Variants in TEX13C observed in about 807,000 individuals in gnomAD.
The protein encoded by TEX13C is TEX13 family member C, also known as testis-expressed protein 13C.
For missense variants in TEX13C, 480 were observed against 298.7 expected (o/e 1.61, Z -4.47); for synonymous variants, 219 against 116.6 (o/e 1.88, Z -5.65).
Position 125,323,005 on chromosome X carries a change from A to G in TEX13C, c.2886A>G (p.Pro962=), listed in dbSNP as rs752925295. ...CCAGCCCAGTGAATTGGGCCTGCCC[A>G]TGGTGTAATGCCATGAATTTTCCAC... The change falls in exon 1 of 1, where the codon CCA becomes CCG. Residue 962 remains proline (P), a synonymous_variant. Coordinates refer to ENST00000632600, the Ensembl canonical transcript of TEX13C. The G allele has an allele frequency of 2.9e-5, 15 of 514,098 alleles. No homozygotes were observed. The African/African-American group carries it at 3.0e-4, about 10-fold the overall frequency. 42.4% of individuals were successfully genotyped at this position (514,098 alleles called of 1,213,427 possible). A position where few individuals can be genotyped will look rare whatever the true frequency, so the allele number is the denominator to read the frequency against.
chrX:125,324,634 A>G (rs910055449), exon 1 of TEX13C: 2 of 111,931 alleles, frequency 1.8e-5, no homozygotes, highest in African/African-American at 6.5e-5. Flanking sequence ...GCAGTGACAA[A>G]GTTTGGGAAA....
At chrX:125,320,718 T>C in exon 1 of TEX13C, 1 of 515,287 alleles carries the variant, frequency 1.9e-6, no homozygotes, top group South Asian at 2.5e-5. Flanking sequence ...GAAGCCCAGG[T>C]AGCAGCCCCA....
At chrX:125,320,337 C>T (rs1004593050) in exon 1 of TEX13C, 12 of 515,172 alleles carry the variant, frequency 2.3e-5, no homozygotes, top group African/African-American at 6.8e-5. Context: ...AGCGCTTTGG[C>T]GCTGAGTGTG....
chrX:125,320,091 G>A (rs2018819779), upstream of TEX13C: 6 of 459,951 alleles, frequency 1.3e-5, no homozygotes, highest in Non-Finnish European at 1.9e-5. Flanking sequence ...CGCACCGTGA[G>A]GCAGCTGCTT....
exon 1 of TEX13C, chrX:125,320,465 C>T: frequency 1.9e-6 from 1 of 515,904 alleles, no homozygotes; most frequent in Non-Finnish European, 3.5e-6. Context: ...GCAGCTGCGC[C>T]TGGAGCATGA....
At chrX:125,320,163 A>G (rs1463414184) in exon 1 of TEX13C, 3 of 503,057 alleles carry the variant, frequency 6.0e-6, no homozygotes, top group African/African-American at 2.3e-5. Context: ...TTCCGCCATG[A>G]TGATGTGATC....
At chrX:125,323,075 G>A (rs1224424863) in exon 1 of TEX13C, 10 of 510,860 alleles carry the variant, frequency 2.0e-5, no homozygotes, top group Non-Finnish European at 2.8e-5. Context: ...TATGCCAGTT[G>A]AGAATGGCAG....
exon 1 of TEX13C, chrX:125,320,365 G>T: frequency 1.9e-6 from 1 of 516,074 alleles, no homozygotes; most frequent in Non-Finnish European, 3.5e-6. Flanking sequence ...CTGCGAGGCA[G>T]CAGGAGGAGC....
exon 1 of TEX13C, chrX:125,323,283 A>G (rs1052011753): frequency 1.5e-5 from 6 of 396,258 alleles, no homozygotes; most frequent in East Asian, 4.0e-5. Flanking sequence ...ACTTTTTATC[A>G]TTGTGAGTAT....
rs5930176 is a variant in TEX13C at position 125,322,246 on chromosome X, C to T, written c.2127C>T (p.Asn709=). 5.8e-5 allele frequency: 29 copies of T among 501,959 alleles called. No individual in the cohort carries two copies. In the African/African-American group the frequency reaches 7.2e-4, roughly 12 times the overall value. 41.4% of individuals were successfully genotyped at this position (501,959 alleles called of 1,213,427 possible). Residue 709 remains asparagine (N), a synonymous_variant, in exon 1 of 1, where the codon AAC becomes AAT. Coordinates refer to ENST00000632600, the Ensembl canonical transcript of TEX13C. ...AGATGGTCCCCCTGGGGGACAGCAA[C>T]AGCCATAGCCTGAAGAAAGATCCAG...
At chrX:125,324,842 T>C (rs1364665435) in exon 1 of TEX13C, 1 of 112,330 alleles carries the variant, frequency 8.9e-6, no homozygotes, top group African/African-American at 3.2e-5. Flanking sequence ...CCAAGTCCCT[T>C]TTCAGTCAGC....
chrX:125,323,195 A>AATT, exon 1 of TEX13C: 1 of 424,613 alleles, frequency 2.4e-6, no homozygotes. Flanking sequence ...TAACTTATTT[A>AATT]CTTAACAGAA....
exon 1 of TEX13C, chrX:125,320,770 C>T: frequency 3.9e-6 from 2 of 515,279 alleles, no homozygotes; most frequent in Non-Finnish European, 7.0e-6. Context: ...GTGGCAGGGT[C>T]CAGGGCATGC....
exon 1 of TEX13C, chrX:125,324,212 T>C (rs2018872196): frequency 9.0e-6 from 1 of 111,335 alleles, no homozygotes; most frequent in African/African-American, 3.3e-5. Flanking sequence ...CACAGCATAA[T>C]CTTTTATTGT....
Position 125,322,082 on chromosome X carries a change from G to A in TEX13C, c.1963G>A (p.Val655Met), listed in dbSNP as rs758581723. ...CAGCCACAGCCTGAAGAAAGATCCA[G>A]TGATGCCCCAGAACATGGTCCCCCT... is the stretch of plus-strand genomic sequence containing the variant. The change falls in exon 1 of 1, where the codon GTG becomes ATG. Residue 655 changes from valine (V) to methionine (M), a missense_variant. By Grantham distance (21) the Val-to-Met change is conservative. Coordinates refer to ENST00000632600, the Ensembl canonical transcript of TEX13C. The A allele has an allele frequency of 4.8e-3, 2,234 of 468,289 alleles. 5 individuals are homozygous for A. The highest frequency in any genetic ancestry group is 6.7e-3 in the Non-Finnish European group (1,779 of 266,213). The allele number at this position is 468,289 out of a possible 1,213,427, so 38.6% of individuals were successfully genotyped here.
exon 1 of TEX13C, chrX:125,323,518 G>GTT (rs756409113): frequency 4.9e-5 from 5 of 102,083 alleles, no homozygotes; most frequent in South Asian, 4.2e-4. Flanking sequence ...ACCATTTTCT[G>GTT]TTTTTTTTTT....
upstream of TEX13C, among the ~76,000 whole-genome samples, chrX:125,319,884 GCGGAGTTGC>G (rs1424911850): frequency 5.3e-5 from 6 of 112,257 alleles, no homozygotes; most frequent in Non-Finnish European, 1.1e-4. Context: ...GTGATGTGTC[GCGGAGTTGC>G]CGATAGGGTT....
At chrX:125,320,717 G>T (rs2018828295) in exon 1 of TEX13C, 1 of 515,505 alleles carries the variant, frequency 1.9e-6, no homozygotes, top group Non-Finnish European at 3.5e-6. Context: ...GGAAGCCCAG[G>T]TAGCAGCCCC....
chrX:125,324,298 A>G (rs181599049), exon 1 of TEX13C: 8 of 112,027 alleles, frequency 7.1e-5, no homozygotes, highest in Non-Finnish European at 1.3e-4. Context: ...TGCCTTGCAT[A>G]TAGCGTGACC....
Sources: gnomAD v4.1 joint callset for allele counts (sites outside exome capture counted in the v4.1 genomes callset) on GRCh38, gnomAD v4.1.1 for gene constraint, MANE v1.5 for transcripts, NCBI Gene and HGNC (gene_info 2026-07-23, HGNC 2026-07-21) for gene names.